Variants in DKK3 observed in about 807,000 individuals in gnomAD.
DKK3 encodes the protein dickkopf Wnt signaling pathway inhibitor 3, also known as dickkopf-related protein 3.
DKK3 carries 22 observed loss-of-function variants against 33.2 expected under a neutral mutation model. That is an observed-to-expected ratio of 0.66 (90% CI 0.47 to 0.95). DKK3 has a LOEUF of 0.95. Ranked by LOEUF, DKK3 falls within the 40% of genes least tolerant of loss-of-function variation. The pLI is 0.00. For synonymous variants in DKK3, 194 were observed against 188.8 expected, an observed-to-expected ratio of 1.03 and a Z score of -0.23; for missense variants, 398 against 458.4, an observed-to-expected ratio of 0.87 and a Z score of 1.20.
Position 11,966,938 on chromosome 11 carries a change from AGGGGAGGCCACTCACCTCTCTG to A in DKK3, c.667_673+15del. 1 of 1,612,414 alleles carries A rather than the reference AGGGGAGGCCACTCACCTCTCTG, an allele frequency of 6.2e-7. No homozygotes were observed. Among genetic ancestry groups the A allele is most frequent in the South Asian group, 1.1e-5 (1 of 90,908 alleles). On this transcript the variant is annotated splice_donor_variant and splice_donor_5th_base_variant and coding_sequence_variant and intron_variant, in exon 5 of 7. Transcript: ENST00000683431. LOFTEE classifies it high-confidence loss of function. The stretch of plus-strand genomic sequence containing the variant: ...TGGGACAGGGTTTTTCCTGCATCTG[AGGGGAGGCCACTCACCTCTCTG>A]GAAGGCACAGCACAGCCCCGGCTGG...
intron 4 of DKK3, 68 bp downstream of exon 4, chr11:11,968,327 C>G (rs1245317634): frequency 6.8e-7 from 1 of 1,479,134 alleles, no homozygotes; most frequent in Non-Finnish European, 9.2e-7. Flanking sequence ...AACGCTGGGG[C>G]CCCTGGCTTT....
At position 12,008,455 on chromosome 11, in the gene DKK3, T is replaced by C. The variant is rs942254269; in HGVS notation, c.128A>G (p.Glu43Gly). 1.2e-6 allele frequency: 2 copies of C among 1,610,166 alleles called. No individual in the cohort carries two copies. Residue 43 changes from glutamate to glycine, a missense_variant, in exon 1 of 7, where the codon GAG becomes GGG. Glu to Gly is a moderately conservative substitution (Grantham distance 98). Coordinates refer to ENST00000683431, the MANE Select transcript of DKK3 (RefSeq NM_001018057.2). The surrounding 1 kb of genome is among the most constrained non-coding windows in gnomAD (Gnocchi z 4.6). ...GAACATCTCATTGAGGGTGGCCTCC[T>C]CCTGCGGGTAGCTGAGAGCCGGGCC... ...KPGPALSYPQEEATLNEMFRE... is the reference protein window; with the variant it reads ...KPGPALSYPQGEATLNEMFRE...
Position 12,008,463 on chromosome 11 carries a change from G to T in DKK3, c.120C>A (p.Tyr40Ter), listed in dbSNP as rs752745064. The change falls in exon 1 of 7, where the codon TAC becomes TAA. Residue 40 changes from tyrosine (Y) to a stop codon, truncating the protein, a stop_gained. Coordinates refer to ENST00000683431, the MANE Select transcript of DKK3 (RefSeq NM_001018057.2). LOFTEE classifies it high-confidence loss of function. The surrounding 1 kb of genome is among the most constrained non-coding windows in gnomAD (Gnocchi z 4.6). Reference protein sequence around the residue: ...APVKPGPALSYPQEEATLNEM... With the variant: ...APVKPGPALS ...CATTGAGGGTGGCCTCCTCCTGCGGGTAGCTGAGAGCCGGGCCGGGCTTGA... is the reference window on the plus strand; with the variant it reads ...CATTGAGGGTGGCCTCCTCCTGCGGTTAGCTGAGAGCCGGGCCGGGCTTGA... 6.2e-7 allele frequency: 1 copy of T among 1,609,424 alleles called. No individual in the cohort carries two copies. Among genetic ancestry groups the T allele is most frequent in the Non-Finnish European group, 8.5e-7 (1 of 1,179,468 alleles).
intron 3 of DKK3, among the ~76,000 whole-genome samples, chr11:11,980,826 T>C (rs1847939323): frequency 6.6e-6 from 1 of 152,194 alleles, no homozygotes; most frequent in Non-Finnish European, 1.5e-5. Flanking sequence ...ATGGGAGGGC[T>C]GTAAGTGCCC....
Position 12,008,064 on chromosome 11 carries a change from G to C in DKK3, c.213+306C>G, listed in dbSNP as rs762958793. 6.6e-6 allele frequency among the ~76,000 whole-genome samples: 1 copy of C among 152,152 alleles called. No homozygotes were observed. The highest frequency in any genetic ancestry group is 1.9e-4 in the East Asian group (1 of 5,174). ...GCCCTGCAAACCTCTGCTGACAATAGGGAAGGCCAACGGCATGCCTGACGC... is the reference window on the plus strand; with the variant it reads ...GCCCTGCAAACCTCTGCTGACAATACGGAAGGCCAACGGCATGCCTGACGC... On this transcript the variant is annotated intron_variant, in intron 1 of 6. Coordinates refer to ENST00000683431, the MANE Select transcript of DKK3 (RefSeq NM_001018057.2). This position sits in a 1 kb window ranked among gnomAD's most constrained non-coding sequence, Gnocchi z 4.6.
intron 2 of DKK3, 107 bp from the exon 3 acceptor site, chr11:11,998,886 T>C (rs143897264): frequency 2.6e-5 from 27 of 1,044,932 alleles, no homozygotes; most frequent in Middle Eastern, 2.4e-4. Flanking sequence ...GAGCATCCAG[T>C]ATAGGAGTCG....
chr11:12,002,759 C>G (rs1848457191), intron 1 of DKK3, among the ~76,000 whole-genome samples: 2 of 152,174 alleles, frequency 1.3e-5, no homozygotes, highest in Non-Finnish European at 2.9e-5. Context: ...CATGTTTCCA[C>G]TAGATAGTCT....
chr11:11,973,317 T>C (rs1292713126), intron 3 of DKK3, among the ~76,000 whole-genome samples: 1 of 152,090 alleles, frequency 6.6e-6, no homozygotes, highest in Admixed American at 6.5e-5. Flanking sequence ...GCTGGGGAGA[T>C]CACCATTTCT....
intron 3 of DKK3, among the ~76,000 whole-genome samples, chr11:11,977,778 C>CA (rs1050105094): frequency 2.6e-5 from 4 of 152,312 alleles, no homozygotes; most frequent in African/African-American, 9.6e-5. Flanking sequence ...CTGACAAGTC[C>CA]AGCAGCACTT....
At chr11:11,966,293 T>C (rs1847592531) in intron 5 of DKK3, among the ~76,000 whole-genome samples, 1 of 151,926 alleles carries the variant, frequency 6.6e-6, no homozygotes, top group South Asian at 2.1e-4. Context: ...TTGAGCTCAG[T>C]GGAAAATGTC....
intron 3 of DKK3, among the ~76,000 whole-genome samples, chr11:11,975,990 A>G (rs141892289): frequency 6.6e-6 from 1 of 152,312 alleles, no homozygotes; most frequent in Non-Finnish European, 1.5e-5. Context: ...TACTGGACAG[A>G]TTAAAGGAGA....
rs772472785 is a variant in DKK3, at chr11:12,008,523, G to A, written c.60C>T (p.Ala20=). 1.7e-5 allele frequency: 26 copies of A among 1,573,232 alleles called. No homozygotes were observed. In the South Asian group the frequency reaches 2.7e-4, roughly 16 times the overall value. Residue 20 remains alanine (A), a synonymous_variant, in exon 1 of 7, where the codon GCC becomes GCT. Transcript: ENST00000683431. This position sits in a 1 kb window ranked among gnomAD's most constrained non-coding sequence, Gnocchi z 4.6. Reference sequence around the variant, plus strand: ...AGGTCGCCGTCGGAGCGGGCGCGGGGGCCGTGGGGACCGCCGCCGCCAGCA... The same window carrying A: ...AGGTCGCCGTCGGAGCGGGCGCGGGAGCCGTGGGGACCGCCGCCGCCAGCA... ...CLLLAAAVPT[A]PAPAPTATSA...
chr11:12,002,567 T>C (rs1237807391), intron 1 of DKK3, 130 bp from the exon 2 acceptor site: 3 of 941,928 alleles, frequency 3.2e-6, no homozygotes, highest in Admixed American at 2.5e-5. Context: ...GTGCTATTAA[T>C]TGAGTACTCA....
At position 11,967,486 on chromosome 11, in the gene DKK3, C is replaced by A. The variant is rs1043534672; in HGVS notation, c.529-388G>T. ...GATTAAACTAAGGCCCAAGCCAGCC[C>A]AAGATGAGGATGGCCTGTGGGTGCC... On this transcript the variant is annotated intron_variant, in intron 4 of 6. Transcript: ENST00000683431. Among the ~76,000 whole-genome samples, 8 of 152,162 alleles carry A rather than the reference C, an allele frequency of 5.3e-5. No homozygotes were observed. The East Asian group carries it at 5.8e-4, about 11-fold the overall frequency.
chr11:11,981,032 G>A (rs1056244339), intron 3 of DKK3, among the ~76,000 whole-genome samples: 8 of 152,156 alleles, frequency 5.3e-5, no homozygotes, highest in African/African-American at 1.9e-4. Context: ...TCCAGAAACA[G>A]AAAATAGCAG....
chr11:11,968,553 G>T, intron 3 of DKK3, 66 bp from the exon 4 acceptor site: 1 of 1,495,754 alleles, frequency 6.7e-7, no homozygotes, highest in Non-Finnish European at 9.2e-7. Context: ...CAGTGCCCAG[G>T]AAGGGCCAGG....
At chr11:11,971,873 A>G (rs988233860) in intron 3 of DKK3, among the ~76,000 whole-genome samples, 8 of 152,206 alleles carry the variant, frequency 5.3e-5, no homozygotes, top group African/African-American at 1.9e-4. Context: ...AACCTTTGAA[A>G]AACCTAAATA....
At chr11:11,971,459 G>A (rs780896366) in intron 3 of DKK3, among the ~76,000 whole-genome samples, 26 of 152,272 alleles carry the variant, frequency 1.7e-4, no homozygotes, top group Middle Eastern at 3.4e-3. Flanking sequence ...CATCATGGGC[G>A]CACAATAAAT....
chr11:12,006,038 A>T, intron 1 of DKK3, among the ~76,000 whole-genome samples: 1 of 152,190 alleles, frequency 6.6e-6, no homozygotes, highest in East Asian at 1.9e-4. Flanking sequence ...ACTTATTTAC[A>T]ACCAACCATC....
Sources: allele counts gnomAD v4.1 joint callset (sites outside exome capture counted in the v4.1 genomes callset), GRCh38; gene constraint gnomAD v4.1.1; non-coding constraint Gnocchi (gnomAD v3.1); transcripts MANE v1.5; gene names NCBI Gene and HGNC (gene_info 2026-07-23, HGNC 2026-07-21).